ELFN1: variants seen among roughly 807,000 people sequenced by gnomAD.
ELFN1 encodes the protein extracellular leucine rich repeat and fibronectin type III domain containing 1.
Under a neutral mutation model 7.6 loss-of-function variants are expected in ELFN1, and 6 were observed. The ratio of observed to expected loss-of-function variants is 0.79; its 90% CI spans 0.43 to 1.56. The LOEUF (loss-of-function observed/expected upper bound fraction) is 1.56. ELFN1 is among the 40% of genes most tolerant of loss of function. The probability of loss-of-function intolerance (pLI) is 0.01; values close to 1 mark genes in which losing one functional copy is unlikely to be tolerated. For missense variants in ELFN1, 1,169 were observed against 1,232.2 expected (o/e 0.95, Z 0.77); for synonymous variants, 657 against 588.1 (o/e 1.12, Z -1.70).
At chr7:1,675,827 C>T (rs759562199) in intron 1 of ELFN1, among the ~76,000 whole-genome samples, 2 of 152,196 alleles carry the variant, frequency 1.3e-5, no homozygotes, top group African/African-American at 4.8e-5. Context: ...GGGAAGGTGT[C>T]CCGGAGATAC....
intron 3 of ELFN1, among the ~76,000 whole-genome samples, chr7:1,714,261 G>A (rs1779759569): frequency 6.6e-6 from 1 of 152,042 alleles, no homozygotes; most frequent in African/African-American, 2.4e-5. Flanking sequence ...CAGAGGCTCA[G>A]CCCCCAGCAT....
intron 3 of ELFN1, among the ~76,000 whole-genome samples, chr7:1,714,469 T>C (rs1213666829): frequency 6.6e-6 from 1 of 152,218 alleles, no homozygotes; most frequent in East Asian, 1.9e-4. Context: ...AATACATTTA[T>C]TTAAAAGGGA....
At chr7:1,690,061 A>C (rs1459595718) in intron 2 of ELFN1, among the ~76,000 whole-genome samples, 2 of 152,184 alleles carry the variant, frequency 1.3e-5, no homozygotes, top group Non-Finnish European at 2.9e-5. Context: ...GGGTGGATGA[A>C]TGTATACATG....
intron 2 of ELFN1, among the ~76,000 whole-genome samples, chr7:1,690,669 G>T (rs566819690): frequency 8.6e-5 from 13 of 150,970 alleles, no homozygotes; most frequent in Non-Finnish European, 1.6e-4. Flanking sequence ...GTGGGTGGAT[G>T]GGTGGATGGG....
upstream of ELFN1, among the ~76,000 whole-genome samples, chr7:1,666,783 C>T (rs968864002): frequency 6.6e-6 from 1 of 151,632 alleles, no homozygotes; most frequent in Non-Finnish European, 1.5e-5. The surrounding 1 kb of genome is among the most constrained non-coding windows in gnomAD (Gnocchi z 7.9). Flanking sequence ...CTCGACTTCG[C>T]AAAGCCGGCG....
intron 1 of ELFN1, among the ~76,000 whole-genome samples, chr7:1,684,649 A>G (rs1221107839): frequency 6.6e-6 from 1 of 152,132 alleles, no homozygotes; most frequent in African/African-American, 2.4e-5. Flanking sequence ...TGGTTGCCTT[A>G]GGGACTACAG....
chr7:1,702,170 A>G (rs989163615), intron 2 of ELFN1, among the ~76,000 whole-genome samples: 7 of 152,182 alleles, frequency 4.6e-5, no homozygotes, highest in African/African-American at 1.7e-4. Context: ...CACGCTTGTA[A>G]TCCCAGCACT....
At chr7:1,682,997 C>A (rs1778999952) in intron 1 of ELFN1, among the ~76,000 whole-genome samples, 1 of 152,152 alleles carries the variant, frequency 6.6e-6, no homozygotes, top group Non-Finnish European at 1.5e-5. Flanking sequence ...ACCAACCTTG[C>A]ATTCCTGGGG....
intron 1 of ELFN1, among the ~76,000 whole-genome samples, chr7:1,678,013 A>G (rs1162868839): frequency 6.6e-6 from 1 of 152,130 alleles, no homozygotes; most frequent in African/African-American, 2.4e-5. Context: ...AGCATGCTAC[A>G]TCTGAGGGCT....
rs1436491109 is a variant in ELFN1, at chr7:1,709,483, A to T, written c.-294+231A>T. ...GGTGGCCTCGGAATTGGACAAAAGG[A>T]GCCTGGGGCTGCCGGGGGACCCGGA... is the stretch of plus-strand genomic sequence containing the variant. On this transcript the variant is annotated intron_variant, in intron 3 of 3. Transcript: ENST00000424383. 4.6e-5 allele frequency among the ~76,000 whole-genome samples: 7 copies of T among 152,336 alleles called. No individual in the cohort carries two copies. The East Asian group carries it at 1.3e-3, about 29-fold the overall frequency.
chr7:1,672,892 G>A (rs1032786384), intron 1 of ELFN1, among the ~76,000 whole-genome samples: 6 of 152,092 alleles, frequency 3.9e-5, no homozygotes, highest in Admixed American at 1.3e-4. Context: ...CGAGATGCCC[G>A]GGTGGGTGGT....
At chr7:1,742,278 T>G (rs558702098) in intron 3 of ELFN1, 1 of 152,392 alleles carries the variant, frequency 6.6e-6, no homozygotes, top group African/African-American at 2.4e-5. Flanking sequence ...CCACGCTTCC[T>G]ACACGCTTCC....
chr7:1,702,358 G>A (rs969197897), intron 2 of ELFN1, among the ~76,000 whole-genome samples: 4 of 151,846 alleles, frequency 2.6e-5, no homozygotes, highest in African/African-American at 9.7e-5. Flanking sequence ...GGGAGGCGGT[G>A]GTTGCAGTGA....
Position 1,708,880 on chromosome 7 carries a change from G to A in ELFN1, c.-455-211G>A, listed in dbSNP as rs111259244. Among the ~76,000 whole-genome samples, 11 of 152,252 alleles carry A rather than the reference G, an allele frequency of 7.2e-5. No homozygotes were observed. In the East Asian group the frequency reaches 1.2e-3, roughly 16 times the overall value. The stretch of plus-strand genomic sequence containing the variant: ...TGTTGGCTCCTCTCCCCTCTATCCC[G>A]GCTGGCACATGGCTCTGTGTGTCAG... On this transcript the variant is annotated intron_variant, in intron 2 of 3. Transcript: ENST00000424383.
intron 3 of ELFN1, among the ~76,000 whole-genome samples, chr7:1,731,883 C>A (rs1430376218): frequency 6.6e-6 from 1 of 152,200 alleles, no homozygotes; most frequent in Non-Finnish European, 1.5e-5. Flanking sequence ...CTCCTGAGCT[C>A]AGGTGATCTG....
At chr7:1,718,959 G>A (rs1024969478) in intron 3 of ELFN1, among the ~76,000 whole-genome samples, 1 of 152,192 alleles carries the variant, frequency 6.6e-6, no homozygotes, top group Non-Finnish European at 1.5e-5. Flanking sequence ...ATGCACAGGA[G>A]GCTGGAAACG....
chr7:1,736,883 G>A (rs1245234656), intron 3 of ELFN1, among the ~76,000 whole-genome samples: 1 of 152,046 alleles, frequency 6.6e-6, no homozygotes, highest in Non-Finnish European at 1.5e-5. Flanking sequence ...GGGTTCTCAG[G>A]GAGCAATGCT....
intron 3 of ELFN1, among the ~76,000 whole-genome samples, chr7:1,709,945 G>A (rs1779615993): frequency 6.6e-6 from 1 of 152,176 alleles, no homozygotes; most frequent in Admixed American, 6.5e-5. Flanking sequence ...CTTTGGATTT[G>A]GGAAACTGTA....
Position 1,744,561 on chromosome 7 carries a change from G to A in ELFN1, c.-36G>A. On this transcript the variant is annotated 5_prime_UTR_variant, in exon 4 of 4. Transcript: ENST00000424383. Reference sequence around the variant, plus strand: ...CTGGCCCCCCACCTGGTCCCCCTGGGCAGGCTGAATTGGGGCTCCCTGCAG... The same window carrying A: ...CTGGCCCCCCACCTGGTCCCCCTGGACAGGCTGAATTGGGGCTCCCTGCAG... The A allele has an allele frequency of 6.9e-7, 1 of 1,459,766 alleles. No homozygotes were observed. Among genetic ancestry groups the A allele is most frequent in the South Asian group, 1.5e-5 (1 of 68,684 alleles). 90.4% of individuals were successfully genotyped at this position (1,459,766 alleles called of 1,614,324 possible). A position where few individuals can be genotyped will look rare whatever the true frequency, so the allele number is the denominator to read the frequency against.
Sources: gnomAD v4.1 joint callset for allele counts (sites outside exome capture counted in the v4.1 genomes callset) on GRCh38, gnomAD v4.1.1 for gene constraint, Gnocchi (gnomAD v3.1) non-coding constraint, MANE v1.5 for transcripts, NCBI Gene and HGNC (gene_info 2026-07-23, HGNC 2026-07-21) for gene names.